The following PARN variants were observed in gnomAD, a reference collection of about 807,000 sequenced individuals.
PARN encodes the protein poly(A)-specific ribonuclease, also known as poly(A)-specific ribonuclease PARN.
In PARN, 71 loss-of-function variants were observed where a neutral mutation model predicts 102.8. That is an observed-to-expected ratio of 0.69 (90% CI 0.57 to 0.84). The LOEUF (loss-of-function observed/expected upper bound fraction) is 0.84, where lower values mean the gene tolerates loss of function less well. PARN is among the 40% of genes least tolerant of loss of function. The pLI is 0.00. For synonymous variants in PARN, 261 were observed against 252.9 expected, an observed-to-expected ratio of 1.03 and a Z score of -0.30; for missense variants, 782 against 760.9, an observed-to-expected ratio of 1.03 and a Z score of -0.33.
At chr16:14,496,725 T>C (rs1964336454) in intron 21 of PARN, among the ~76,000 whole-genome samples, 1 of 152,178 alleles carries the variant, frequency 6.6e-6, no homozygotes, top group Non-Finnish European at 1.5e-5. Context: ...CACGGCTTAG[T>C]TAATACTATA....
chr16:14,508,189 CAGATAGAT>C (rs955854591), intron 21 of PARN, among the ~76,000 whole-genome samples: 8 of 151,596 alleles, frequency 5.3e-5, no homozygotes, highest in African/African-American at 1.7e-4. Context: ...GGCAGGCAGG[CAGATAGAT>C]AGATAGATAG....
chr16:14,578,055 A>G (rs1969257340), intron 18 of PARN, among the ~76,000 whole-genome samples: 3 of 151,356 alleles, frequency 2.0e-5, no homozygotes, highest in Non-Finnish European at 4.4e-5. Flanking sequence ...CAGGCCATGC[A>G]TGGTGGCTCA....
chr16:14,500,312 C>A (rs2151623547), intron 21 of PARN, among the ~76,000 whole-genome samples: 1 of 152,338 alleles, frequency 6.6e-6, no homozygotes, highest in South Asian at 2.1e-4. Flanking sequence ...CCTGCCTCAG[C>A]CTCCCAAAGT....
Position 14,526,146 on chromosome 16 carries a change from A to T in PARN, c.1480+25875T>A, listed in dbSNP as rs577981191. On this transcript the variant is annotated intron_variant, in intron 21 of 23. Transcript: ENST00000437198. ...TTTTCTACATGTTACTTTTCCCAAGAACTTGCCAAAAGAATTAAATAAATC... is the reference window on the plus strand; with the variant it reads ...TTTTCTACATGTTACTTTTCCCAAGTACTTGCCAAAAGAATTAAATAAATC... Among the ~76,000 whole-genome samples, 26 of 149,324 alleles carry T rather than the reference A, an allele frequency of 1.7e-4. 2 individuals are homozygous for T. In the South Asian group the frequency reaches 3.4e-3, roughly 20 times the overall value.
intron 23 of PARN, among the ~76,000 whole-genome samples, chr16:14,445,653 C>T (rs754966264): frequency 6.6e-6 from 1 of 152,206 alleles, no homozygotes. Context: ...CCTTGACCTC[C>T]CTGGGCTGAG....
At chr16:14,604,796 A>T (rs1216989952) in intron 10 of PARN, among the ~76,000 whole-genome samples, 1 of 151,872 alleles carries the variant, frequency 6.6e-6, no homozygotes, top group Non-Finnish European at 1.5e-5. Context: ...TTGTATTTGT[A>T]GTAGAGACAG....
chr16:14,506,296 G>A (rs1458943643), intron 21 of PARN, among the ~76,000 whole-genome samples: 10 of 152,206 alleles, frequency 6.6e-5, no homozygotes, highest in African/African-American at 1.2e-4. Flanking sequence ...GAGCCATGAT[G>A]ACTAAAAGTA....
chr16:14,584,613 A>G, intron 15 of PARN, 136 bp downstream of exon 15: 1 of 763,138 alleles, frequency 1.3e-6, no homozygotes, highest in South Asian at 1.6e-5. Context: ...TAATATACAA[A>G]GTATAACCAA....
chr16:14,495,865 G>A (rs1964287714), intron 21 of PARN, among the ~76,000 whole-genome samples: 1 of 152,146 alleles, frequency 6.6e-6, no homozygotes, highest in Admixed American at 6.5e-5. Flanking sequence ...GAATCTGGGG[G>A]CAGGAAGTCG....
intron 18 of PARN, among the ~76,000 whole-genome samples, chr16:14,557,943 A>T (rs1279975351): frequency 1.3e-5 from 2 of 152,152 alleles, no homozygotes; most frequent in African/African-American, 4.8e-5. Context: ...AACTATCATT[A>T]TTTTCGCCTA....
intron 9 of PARN, 37 bp downstream of exon 9, chr16:14,608,244 C>A: frequency 9.1e-6 from 13 of 1,425,694 alleles, no homozygotes; most frequent in Non-Finnish European, 1.2e-5. Flanking sequence ...AATCCTGGGT[C>A]CCCCACAGAG....
chr16:14,609,770 G>A (rs1378396038), intron 7 of PARN, among the ~76,000 whole-genome samples: 1 of 152,146 alleles, frequency 6.6e-6, no homozygotes, highest in Non-Finnish European at 1.5e-5. Flanking sequence ...ACATCTGCTT[G>A]TCGGCACCTT....
rs533670535 is a variant in PARN at position 14,498,481 on chromosome 16, C to T, written c.1481-15654G>A. ...ATGCTGCGCTATGAACATGAGTCCT[C>T]TTCCTAGGCCTGCCTCTCACCTCTT... On this transcript the variant is annotated intron_variant, in intron 21 of 23. Coordinates refer to ENST00000437198, the MANE Select transcript of PARN (RefSeq NM_002582.4). Among the ~76,000 whole-genome samples the T allele has an allele frequency of 3.3e-5, 5 of 152,292 alleles. No homozygotes were observed. The South Asian group carries it at 8.3e-4, about 25-fold the overall frequency.
At chr16:14,573,787 C>T (rs1442576090) in intron 18 of PARN, among the ~76,000 whole-genome samples, 1 of 152,202 alleles carries the variant, frequency 6.6e-6, no homozygotes, top group Non-Finnish European at 1.5e-5. Context: ...CTCTTGTCTG[C>T]TGCCATGTGA....
At chr16:14,446,731 T>C (rs933145772) in intron 23 of PARN, among the ~76,000 whole-genome samples, 157 bp downstream of exon 23, 1 of 152,234 alleles carries the variant, frequency 6.6e-6, no homozygotes, top group Middle Eastern at 3.4e-3. Context: ...TTCCTCAAAT[T>C]AAATTAAATT....
At chr16:14,575,146 T>C (rs1378642085) in intron 18 of PARN, among the ~76,000 whole-genome samples, 1 of 152,206 alleles carries the variant, frequency 6.6e-6, no homozygotes, top group East Asian at 1.9e-4. Context: ...GGAGAACTTC[T>C]GCTAGGGCAG....
At chr16:14,603,362 A>G (rs1306598619) in intron 11 of PARN, among the ~76,000 whole-genome samples, 1 of 152,128 alleles carries the variant, frequency 6.6e-6, no homozygotes, top group East Asian at 1.9e-4. Flanking sequence ...GGTTAAGTCA[A>G]TTAGGAGTGA....
intron 21 of PARN, among the ~76,000 whole-genome samples, chr16:14,550,924 G>T (rs1367350105): frequency 3.3e-5 from 5 of 151,716 alleles, no homozygotes; most frequent in African/African-American, 1.2e-4. Context: ...AATTATTTAG[G>T]ATCCTACAAG....
At chr16:14,629,761 G>A (rs559655016) in intron 1 of PARN, 87 bp from the exon 2 acceptor site, 38 of 1,000,342 alleles carry the variant, frequency 3.8e-5, no homozygotes. Flanking sequence ...AGCTCCCGAG[G>A]CTGAGAGCCG....
Sources: allele counts gnomAD v4.1 joint callset (sites outside exome capture counted in the v4.1 genomes callset), GRCh38; gene constraint gnomAD v4.1.1; transcripts MANE v1.5; gene names NCBI Gene and HGNC (gene_info 2026-07-23, HGNC 2026-07-21).